The following RBFOX1 variants were observed in gnomAD, a reference collection of about 807,000 sequenced individuals.
RBFOX1 encodes RNA binding fox-1 homolog 1, also known as RNA binding protein fox-1 homolog 1.
Under a neutral mutation model 57.7 loss-of-function variants are expected in RBFOX1, and 8 were observed. That is an observed-to-expected ratio of 0.14 (90% CI 0.08 to 0.25). The LOEUF (loss-of-function observed/expected upper bound fraction) is 0.25, where lower values mean the gene tolerates loss of function less well. Ranked by LOEUF, RBFOX1 falls within the 10% of genes least tolerant of loss-of-function variation. The pLI is 1.00. For missense variants in RBFOX1, 611 were observed against 548.5 expected (o/e 1.11, Z -1.14); for synonymous variants, 326 against 222.4 (o/e 1.47, Z -4.15).
At chr16:6,804,742 C>A (rs1005344455) in intron 3 of RBFOX1, among the ~76,000 whole-genome samples, 2 of 152,120 alleles carry the variant, frequency 1.3e-5, no homozygotes, top group African/African-American at 4.8e-5. Flanking sequence ...TTCATGAGAG[C>A]CCTAGAATGG....
chr16:6,477,752 T>A (rs1227479601), intron 2 of RBFOX1, among the ~76,000 whole-genome samples: 3 of 152,228 alleles, frequency 2.0e-5, no homozygotes, highest in Non-Finnish European at 4.4e-5. Context: ...AGATACCATC[T>A]TCTTCCAAGA....
intron 4 of RBFOX1, among the ~76,000 whole-genome samples, chr16:7,056,134 C>G (rs551519663): frequency 6.6e-6 from 1 of 152,248 alleles, no homozygotes; most frequent in East Asian, 1.9e-4. Flanking sequence ...GCATTAGTAA[C>G]CAGCTCAGCC....
chr16:6,011,812 A>T (rs2094962860), intron 4 of RBFOX1, among the ~76,000 whole-genome samples: 1 of 152,146 alleles, frequency 6.6e-6, no homozygotes, highest in African/African-American at 2.4e-5. Context: ...GTTGGAGACG[A>T]GGAGGTTGTG....
At chr16:7,654,055 C>A in intron 12 of RBFOX1, 108 bp downstream of exon 12, 1 of 1,176,824 alleles carries the variant, frequency 8.5e-7, no homozygotes. Context: ...CTCCGCCACC[C>A]CCAGAACCGC....
chr16:6,332,594 C>T (rs1229869156), intron 2 of RBFOX1, among the ~76,000 whole-genome samples: 1 of 152,152 alleles, frequency 6.6e-6, no homozygotes, highest in Non-Finnish European at 1.5e-5. Flanking sequence ...GCATAGCGTG[C>T]TGTTATATCT....
intron 1 of RBFOX1, among the ~76,000 whole-genome samples, chr16:5,380,307 A>G (rs1404739763): frequency 6.6e-6 from 1 of 152,202 alleles, no homozygotes; most frequent in Non-Finnish European, 1.5e-5. Flanking sequence ...GAATTATTCA[A>G]TCTATCATTG....
At chr16:6,347,763 C>T (rs1012438625) in intron 2 of RBFOX1, among the ~76,000 whole-genome samples, 3 of 152,200 alleles carry the variant, frequency 2.0e-5, no homozygotes, top group Admixed American at 1.3e-4. Context: ...TGCTTGGAAA[C>T]ATCAAAATTG....
At chr16:7,206,520 T>C (rs59800404) in intron 4 of RBFOX1, among the ~76,000 whole-genome samples, 15,389 of 151,934 alleles carry the variant, frequency 0.1, 862 homozygotes, top group African/African-American at 0.11. Flanking sequence ...AGAAAGACAC[T>C]TGCAAGCTCT....
chr16:7,242,989 C>T (rs574620105), intron 4 of RBFOX1, among the ~76,000 whole-genome samples: 2 of 152,268 alleles, frequency 1.3e-5, no homozygotes, highest in East Asian at 3.9e-4. Context: ...CCTCCTCCTC[C>T]TCTTGTTTTT....
chr16:6,842,155 A>AAT (rs1555519989), intron 3 of RBFOX1, among the ~76,000 whole-genome samples: 12 of 148,140 alleles, frequency 8.1e-5, no homozygotes, highest in African/African-American at 3.0e-4. Flanking sequence ...AAAAAAATAA[A>AAT]AAATAAATAA....
At chr16:6,224,952 G>A in intron 1 of RBFOX1, among the ~76,000 whole-genome samples, 1 of 150,926 alleles carries the variant, frequency 6.6e-6, no homozygotes. Context: ...CTGGGAGGTG[G>A]AGGTTGTGGT....
intron 1 of RBFOX1, among the ~76,000 whole-genome samples, chr16:6,161,760 C>T (rs2096881025): frequency 6.6e-6 from 1 of 152,214 alleles, no homozygotes; most frequent in Non-Finnish European, 1.5e-5. Context: ...CTTCTGGTTT[C>T]TGTCTTGCTC....
intron 2 of RBFOX1, among the ~76,000 whole-genome samples, chr16:6,622,162 C>T (rs1293356079): frequency 6.6e-6 from 1 of 152,102 alleles, no homozygotes; most frequent in Non-Finnish European, 1.5e-5. Flanking sequence ...AATGATAGCA[C>T]AAAATATTGC....
At position 5,934,013 on chromosome 16, in the gene RBFOX1, T is replaced by C. The variant is rs1597851390; in HGVS notation, c.351+66678T>C. Among the ~76,000 whole-genome samples the C allele has an allele frequency of 3.9e-5, 6 of 152,314 alleles. No individual in the cohort carries two copies. The Middle Eastern group carries it at 0.017, about 432-fold the overall frequency. On this transcript the variant is annotated intron_variant, in intron 4 of 19. Transcript: ENST00000641259. ...TCTTTGTGTTCATGAGTTCTCATCA[T>C]TTAGCTTATAAGTGAGAACATGTGA...
intron 10 of RBFOX1, among the ~76,000 whole-genome samples, chr16:7,623,385 G>C (rs1466462990): frequency 6.6e-6 from 1 of 152,054 alleles, no homozygotes; most frequent in Non-Finnish European, 1.5e-5. Flanking sequence ...GGGAGCCCTG[G>C]GCTTCTTTTC....
intron 3 of RBFOX1, among the ~76,000 whole-genome samples, chr16:5,774,233 A>G (rs547357761): frequency 3.9e-5 from 6 of 152,290 alleles, no homozygotes; most frequent in Admixed American, 1.3e-4. Context: ...GAAAGGGCCC[A>G]TTACCTTACT....
At chr16:6,251,557 T>G (rs1401797034) in intron 1 of RBFOX1, among the ~76,000 whole-genome samples, 1 of 152,028 alleles carries the variant, frequency 6.6e-6, no homozygotes, top group African/African-American at 2.4e-5. Context: ...TATACTGCTT[T>G]GCTAAAGCCT....
chr16:7,605,660 C>G (rs1596371248), intron 9 of RBFOX1, among the ~76,000 whole-genome samples: 1 of 152,194 alleles, frequency 6.6e-6, no homozygotes, highest in Non-Finnish European at 1.5e-5. Context: ...CAGAAAATCA[C>G]ACCTCTCTCT....
chr16:6,480,824 A>G (rs2095360714), intron 2 of RBFOX1, among the ~76,000 whole-genome samples: 1 of 152,194 alleles, frequency 6.6e-6, no homozygotes, highest in Admixed American at 6.5e-5. Flanking sequence ...CTGTTCCTAC[A>G]TATTCATGTC....
Sources: allele counts gnomAD v4.1 joint callset (sites outside exome capture counted in the v4.1 genomes callset), GRCh38; gene constraint gnomAD v4.1.1; transcripts MANE v1.5; gene names NCBI Gene and HGNC (gene_info 2026-07-23, HGNC 2026-07-21).